The following ARIH1 variants were observed in gnomAD, a reference collection of about 807,000 sequenced individuals.
The protein encoded by ARIH1 is ariadne RBR E3 ubiquitin protein ligase 1.
Under a neutral mutation model 85.0 loss-of-function variants are expected in ARIH1, and 8 were observed. That is an observed-to-expected ratio of 0.09 (90% CI 0.06 to 0.17). ARIH1 has a LOEUF of 0.17. Among genes scored for constraint, ARIH1 ranks in the 10% least tolerant of loss-of-function variants. ARIH1 has a pLI of 1.00. For synonymous variants in ARIH1, 238 were observed against 253.6 expected (o/e 0.94, Z 0.59); for missense variants, 311 against 718.1 (o/e 0.43, Z 6.48).
chr15:72,576,225 G>A (rs2064270257), intron 11 of ARIH1, among the ~76,000 whole-genome samples: 1 of 152,164 alleles, frequency 6.6e-6, no homozygotes, highest in African/African-American at 2.4e-5. Context: ...TTTGATAGGG[G>A]CCGGGCGCGG....
chr15:72,564,543 C>A (rs2064210879), intron 7 of ARIH1, among the ~76,000 whole-genome samples: 2 of 152,294 alleles, frequency 1.3e-5, no homozygotes, highest in Middle Eastern at 3.4e-3. Context: ...CTTCCAAGCT[C>A]TTCCAGCCTC....
intron 2 of ARIH1, among the ~76,000 whole-genome samples, chr15:72,531,502 A>G (rs2064056923): frequency 1.3e-5 from 2 of 152,142 alleles, no homozygotes; most frequent in East Asian, 3.8e-4. Flanking sequence ...TCCTGACCTC[A>G]GGTGATGTGC....
rs150376988 is a variant in ARIH1 at position 72,583,680 on chromosome 15, T to C, written c.*388T>C. 3.0e-5 allele frequency: 5 copies of C among 164,778 alleles called. No individual in the cohort carries two copies. Among genetic ancestry groups the C allele is most frequent in the East Asian group, 3.4e-4 (2 of 5,880 alleles). 10.2% of individuals were successfully genotyped at this position (164,778 alleles called of 1,614,324 possible). A position where few individuals can be genotyped will look rare whatever the true frequency, so the allele number is the denominator to read the frequency against. On this transcript the variant is annotated 3_prime_UTR_variant, in exon 14 of 14. Transcript: ENST00000379887. ...TCAAACCAGCCATTTTGTTGTACTT[T>C]GGTAAAGGACCTCTTCCCCTTCCTC...
chr15:72,529,595 C>T (rs2064046630), intron 2 of ARIH1, among the ~76,000 whole-genome samples: 1 of 152,128 alleles, frequency 6.6e-6, no homozygotes, highest in Non-Finnish European at 1.5e-5. Flanking sequence ...TACAATAGAC[C>T]ACCATGGTAC....
At chr15:72,484,786 TATAC>T (rs980043001) in intron 1 of ARIH1, among the ~76,000 whole-genome samples, 31 of 69,604 alleles carry the variant, frequency 4.5e-4, no homozygotes, top group African/African-American at 7.5e-4. Context: ...TATACATATA[TATAC>T]ACACACACAC....
intron 1 of ARIH1, among the ~76,000 whole-genome samples, chr15:72,494,402 G>A (rs1362604941): frequency 6.6e-6 from 1 of 152,090 alleles, no homozygotes; most frequent in African/African-American, 2.4e-5. Flanking sequence ...TAGCTTACTA[G>A]GCAGATGGGG....
intron 3 of ARIH1, among the ~76,000 whole-genome samples, chr15:72,547,473 T>G (rs1159541012): frequency 6.6e-6 from 1 of 152,192 alleles, no homozygotes; most frequent in Non-Finnish European, 1.5e-5. Context: ...CCTCAGGTGA[T>G]CCACCCACCT....
intron 1 of ARIH1, among the ~76,000 whole-genome samples, chr15:72,490,931 C>T (rs925252074): frequency 6.6e-6 from 1 of 152,062 alleles, no homozygotes; most frequent in Non-Finnish European, 1.5e-5. Flanking sequence ...GCCTGGCCAA[C>T]ATGGTGAAAC....
intron 2 of ARIH1, among the ~76,000 whole-genome samples, chr15:72,535,850 G>A (rs1249310501): frequency 6.6e-6 from 1 of 152,098 alleles, no homozygotes; most frequent in Non-Finnish European, 1.5e-5. Flanking sequence ...AGTAAAAATA[G>A]TTTTTTAAAA....
intron 1 of ARIH1, among the ~76,000 whole-genome samples, chr15:72,495,542 C>T (rs1342519796): frequency 6.6e-6 from 1 of 152,240 alleles, no homozygotes; most frequent in East Asian, 1.9e-4. Flanking sequence ...ATGGTTAGAT[C>T]TCCTATAAAC....
chr15:72,550,141 T>A (rs2064147324), intron 3 of ARIH1, among the ~76,000 whole-genome samples: 1 of 152,242 alleles, frequency 6.6e-6, no homozygotes, highest in African/African-American at 2.4e-5. Flanking sequence ...CATGTATGAT[T>A]TATTTTTCTA....
At chr15:72,566,998 C>A in intron 8 of ARIH1, 108 bp from the exon 9 acceptor site, 1 of 760,956 alleles carries the variant, frequency 1.3e-6, no homozygotes, top group Non-Finnish European at 2.2e-6. Context: ...TAGTGATAAT[C>A]TTATTCATTG....
intron 1 of ARIH1, among the ~76,000 whole-genome samples, chr15:72,509,673 T>C (rs933297515): frequency 2.6e-5 from 4 of 152,140 alleles, no homozygotes; most frequent in African/African-American, 9.7e-5. Context: ...ACTACAGCCT[T>C]GTGCTACTGG....
chr15:72,506,643 C>G (rs920115253), intron 1 of ARIH1, among the ~76,000 whole-genome samples: 3 of 151,950 alleles, frequency 2.0e-5, no homozygotes, highest in Non-Finnish European at 4.4e-5. Flanking sequence ...AAATTTTGGA[C>G]CCATAAGCAG....
At chr15:72,579,750 A>C (rs1030860245) in intron 11 of ARIH1, among the ~76,000 whole-genome samples, 2 of 152,202 alleles carry the variant, frequency 1.3e-5, no homozygotes, top group Admixed American at 6.5e-5. Context: ...GTAGATGTCT[A>C]TTCCTGATTT....
At chr15:72,564,384 A>G (rs1459687365) in intron 7 of ARIH1, among the ~76,000 whole-genome samples, 1 of 152,078 alleles carries the variant, frequency 6.6e-6, no homozygotes, top group African/African-American at 2.4e-5. Flanking sequence ...TACTGTCCAT[A>G]TTTCTAACAA....
chr15:72,581,746 T>C (rs191851026), intron 12 of ARIH1: 1 of 184,826 alleles, frequency 5.4e-6, no homozygotes, highest in East Asian at 1.4e-4. Context: ...TTCTATTTTT[T>C]CTCATTTACC....
chr15:72,476,820 A>G (rs2063796923), intron 1 of ARIH1, among the ~76,000 whole-genome samples: 1 of 152,166 alleles, frequency 6.6e-6, no homozygotes, highest in African/African-American at 2.4e-5. Context: ...ATAACAGTGG[A>G]ACCATACTGT....
chr15:72,484,251 A>C (rs889295721), intron 1 of ARIH1, among the ~76,000 whole-genome samples: 1 of 152,028 alleles, frequency 6.6e-6, no homozygotes, highest in Non-Finnish European at 1.5e-5. Flanking sequence ...CAAAAATCCC[A>C]CATATTCTTT....
Sources: allele counts gnomAD v4.1 joint callset (sites outside exome capture counted in the v4.1 genomes callset), GRCh38; gene constraint gnomAD v4.1.1; transcripts MANE v1.5; gene names NCBI Gene and HGNC (gene_info 2026-07-23, HGNC 2026-07-21).